Variants in RIT2 observed in about 807,000 individuals in gnomAD.
RIT2 encodes Ras like without CAAX 2.
In RIT2, 24 loss-of-function variants were observed where a neutral mutation model predicts 23.7. The ratio of observed to expected loss-of-function variants is 1.01; its 90% confidence interval spans 0.73 to 1.43. The LOEUF (loss-of-function observed/expected upper bound fraction) is 1.43. Ranked by LOEUF, RIT2 falls within the 40% of genes most tolerant of loss-of-function variation. The pLI is 0.00. For missense variants in RIT2, 236 were observed against 266.9 expected (o/e 0.88, Z 0.81); for synonymous variants, 107 against 91.1 (o/e 1.17, Z -0.99).
chr18:43,066,786 A>C (rs1912779657), intron 1 of RIT2, among the ~76,000 whole-genome samples: 1 of 151,176 alleles, frequency 6.6e-6, no homozygotes, highest in South Asian at 2.1e-4. Context: ...ATGTGTTTGG[A>C]CATGCAATTA....
chr18:43,050,308 G>T (rs1224887453), intron 1 of RIT2, among the ~76,000 whole-genome samples: 1 of 151,864 alleles, frequency 6.6e-6, no homozygotes, highest in African/African-American at 2.4e-5. Context: ...TAGGATTATA[G>T]GTGTAAGCAA....
At chr18:42,808,139 G>A (rs542780378) in intron 4 of RIT2, among the ~76,000 whole-genome samples, 1 of 152,176 alleles carries the variant, frequency 6.6e-6, no homozygotes, top group Non-Finnish European at 1.5e-5. Flanking sequence ...TTGCTCAATG[G>A]AGCAAAAGCA....
intron 4 of RIT2, among the ~76,000 whole-genome samples, chr18:42,745,079 T>A (rs1024919794): frequency 5.3e-5 from 8 of 152,130 alleles, no homozygotes; most frequent in Non-Finnish European, 1.2e-4. Flanking sequence ...GAATAAGTAT[T>A]AACTAAAATA....
chr18:42,987,394 A>G (rs1235880948), intron 2 of RIT2, among the ~76,000 whole-genome samples: 2 of 152,204 alleles, frequency 1.3e-5, no homozygotes, highest in Non-Finnish European at 2.9e-5. Flanking sequence ...TGCTGATTTC[A>G]GAAGCAACCT....
At chr18:42,861,578 A>C (rs1907329302) in intron 4 of RIT2, among the ~76,000 whole-genome samples, 1 of 152,212 alleles carries the variant, frequency 6.6e-6, no homozygotes, top group Admixed American at 6.5e-5. Flanking sequence ...GAACATTCAC[A>C]TGACAGCATA....
intron 4 of RIT2, among the ~76,000 whole-genome samples, chr18:42,799,767 G>A (rs1342478720): frequency 1.3e-5 from 2 of 152,042 alleles, no homozygotes; most frequent in Non-Finnish European, 2.9e-5. Context: ...CATTTGCAAT[G>A]AGCAACATTT....
chr18:42,937,530 A>G (rs1647996720), intron 3 of RIT2, among the ~76,000 whole-genome samples: 1 of 152,156 alleles, frequency 6.6e-6, no homozygotes, highest in Admixed American at 6.6e-5. Flanking sequence ...GGCAGCATGC[A>G]TGGATTCCTA....
At chr18:42,813,603 A>T (rs1005732286) in intron 4 of RIT2, among the ~76,000 whole-genome samples, 28 of 152,340 alleles carry the variant, frequency 1.8e-4, no homozygotes, top group African/African-American at 6.0e-4. Context: ...AAAAGATGCT[A>T]TGTATTATTC....
At chr18:42,932,317 C>T (rs759179332) in intron 3 of RIT2, among the ~76,000 whole-genome samples, 4 of 152,146 alleles carry the variant, frequency 2.6e-5, no homozygotes, top group African/African-American at 4.8e-5. Flanking sequence ...CTTTTCCAAT[C>T]AATCCATCAA....
At chr18:42,816,123 A>T (rs186111134) in intron 4 of RIT2, among the ~76,000 whole-genome samples, 3 of 152,036 alleles carry the variant, frequency 2.0e-5, no homozygotes, top group African/African-American at 7.2e-5. Context: ...TAAATATTTA[A>T]TAATCAGATC....
At chr18:42,797,471 G>A (rs981968986) in intron 4 of RIT2, among the ~76,000 whole-genome samples, 26 of 151,886 alleles carry the variant, frequency 1.7e-4, no homozygotes, top group African/African-American at 6.3e-4. Flanking sequence ...AATTACTCAA[G>A]TAATCATATT....
chr18:42,773,072 C>T (rs1913588821), intron 4 of RIT2, among the ~76,000 whole-genome samples: 1 of 152,144 alleles, frequency 6.6e-6, no homozygotes, highest in Non-Finnish European at 1.5e-5. Flanking sequence ...CACTGTATCT[C>T]TTCATCCAAG....
At chr18:43,057,392 G>A (rs1248594250) in intron 1 of RIT2, among the ~76,000 whole-genome samples, 1 of 152,098 alleles carries the variant, frequency 6.6e-6, no homozygotes. Context: ...CCATAAACCT[G>A]TCAACCTCAT....
chr18:42,794,694 TAATAAAAGTGATGGA>T (rs1914116466), intron 4 of RIT2, among the ~76,000 whole-genome samples: 1 of 152,226 alleles, frequency 6.6e-6, no homozygotes, highest in Admixed American at 6.5e-5. Context: ...CCCTCAGAGC[TAATAAAAGTGATGGA>T]ATTATTGTAT....
At chr18:42,907,623 T>A (rs1347335507) in intron 4 of RIT2, among the ~76,000 whole-genome samples, 1 of 152,022 alleles carries the variant, frequency 6.6e-6, no homozygotes, top group Non-Finnish European at 1.5e-5. Flanking sequence ...AAAATCACAA[T>A]ATGAATGAGA....
At chr18:42,975,386 G>A (rs1910455648) in intron 2 of RIT2, among the ~76,000 whole-genome samples, 1 of 152,024 alleles carries the variant, frequency 6.6e-6, no homozygotes, top group Admixed American at 6.6e-5. Context: ...TGATCATGAT[G>A]GATTAGCTTT....
At chr18:43,019,617 G>T (rs1911550888) in intron 2 of RIT2, among the ~76,000 whole-genome samples, 2 of 151,916 alleles carry the variant, frequency 1.3e-5, no homozygotes, top group Admixed American at 1.3e-4. Flanking sequence ...TTTCCTTCAA[G>T]AACCAGAATA....
intron 2 of RIT2, among the ~76,000 whole-genome samples, chr18:42,983,308 T>C (rs886634472): frequency 2.0e-5 from 3 of 152,026 alleles, no homozygotes; most frequent in South Asian, 4.1e-4. Context: ...TAAAACCCCA[T>C]TGGCAAAACA....
chr18:42,964,511 A>T (rs1001486249), intron 3 of RIT2, among the ~76,000 whole-genome samples: 1 of 152,138 alleles, frequency 6.6e-6, no homozygotes, highest in African/African-American at 2.4e-5. Context: ...CCCACCTGAC[A>T]CAATGCCTAT....
Sources: gnomAD v4.1 joint callset for allele counts (sites outside exome capture counted in the v4.1 genomes callset) on GRCh38, gnomAD v4.1.1 for gene constraint, MANE v1.5 for transcripts, NCBI Gene and HGNC (gene_info 2026-07-23, HGNC 2026-07-21) for gene names.